Variants in LPP observed in about 807,000 individuals in gnomAD.
The protein encoded by LPP is LIM domain containing preferred translocation partner in lipoma.
In LPP, 38 loss-of-function variants were observed where a neutral mutation model predicts 60.4. The ratio of observed to expected loss-of-function variants is 0.63; its 90% CI spans 0.49 to 0.83. The LOEUF (loss-of-function observed/expected upper bound fraction) is 0.83, where lower values mean the gene tolerates loss of function less well. LPP is among the 40% of genes least tolerant of loss of function. The pLI is 0.00. For synonymous variants in LPP, 328 were observed against 290.8 expected, an observed-to-expected ratio of 1.13 and a Z score of -1.30; for missense variants, 902 against 783.6, an observed-to-expected ratio of 1.15 and a Z score of -1.80.
intron 6 of LPP, among the ~76,000 whole-genome samples, chr3:188,559,999 ACTGTGGCAT>A (rs1246078153): frequency 5.3e-5 from 8 of 152,040 alleles, no homozygotes; most frequent in African/African-American, 1.9e-4. Flanking sequence ...TTCTGTTCTC[ACTGTGGCAT>A]CTGGGGCCTC....
At chr3:188,224,957 T>G (rs1338838965) in intron 1 of LPP, among the ~76,000 whole-genome samples, 1 of 144,426 alleles carries the variant, frequency 6.9e-6, no homozygotes, top group Non-Finnish European at 1.5e-5. Flanking sequence ...ATGTCAAGAT[T>G]GTTTATCCCT....
At chr3:188,528,279 G>A (rs1343783404) in intron 6 of LPP, among the ~76,000 whole-genome samples, 2 of 151,972 alleles carry the variant, frequency 1.3e-5, no homozygotes, top group South Asian at 2.1e-4. Flanking sequence ...GACCCACTTC[G>A]GCCTTCCAAA....
intron 4 of LPP, among the ~76,000 whole-genome samples, chr3:188,461,799 T>C (rs976416993): frequency 2.0e-5 from 3 of 152,188 alleles, no homozygotes; most frequent in Non-Finnish European, 4.4e-5. Context: ...TTAAGGGAAT[T>C]TTGCTATTCT....
intron 5 of LPP, among the ~76,000 whole-genome samples, chr3:188,515,713 T>C (rs1396140569): frequency 6.6e-6 from 1 of 152,220 alleles, no homozygotes; most frequent in Non-Finnish European, 1.5e-5. Flanking sequence ...GAAGATGTCC[T>C]TCTCGGATAT....
intron 2 of LPP, among the ~76,000 whole-genome samples, chr3:188,314,601 G>GTA (rs1463253598): frequency 6.6e-6 from 1 of 151,734 alleles, no homozygotes; most frequent in Non-Finnish European, 1.5e-5. Context: ...AAAATTCTGT[G>GTA]TGTGTGTGTG....
rs1042572316 is a variant in LPP, at chr3:188,860,742, G to T, written c.1411-5458G>T. ...ATTAATTTTATGCAAGCATACTGTT[G>T]TAGATGCTTGGGATCCAACGACGAG... On this transcript the variant is annotated intron_variant, in intron 9 of 11. Transcript: ENST00000617246. Among the ~76,000 whole-genome samples, 6 of 152,184 alleles carry T rather than the reference G, an allele frequency of 3.9e-5. No individual in the cohort carries two copies. In the East Asian group the frequency reaches 1.2e-3, roughly 29 times the overall value.
Position 188,407,780 on chromosome 3 carries a change from GTTTGTTTGTTT to G in LPP, c.193+1471_193+1481del, listed in dbSNP as rs1436591835. Among the ~76,000 whole-genome samples the G allele has an allele frequency of 4.1e-3, 393 of 94,844 alleles. 9 individuals carry two copies. Among genetic ancestry groups the G allele is most frequent in the African/African-American group, 5.9e-3 (139 of 23,714 alleles). The allele number at this position is 94,844 out of a possible 152,430, so 62.2% of individuals were successfully genotyped here. The stretch of plus-strand genomic sequence containing the variant: ...TTCCTCATTTATGGTTTTTTTTTTT[GTTTGTTTGTTT>G]TTTTTTTTTTTTTTTTGAGATGGAG... On this transcript the variant is annotated intron_variant, in intron 4 of 11. Coordinates refer to ENST00000617246, the MANE Select transcript of LPP (RefSeq NM_001375462.1).
chr3:188,757,803 ATGT>A (rs751665207), intron 8 of LPP, among the ~76,000 whole-genome samples: 7 of 151,740 alleles, frequency 4.6e-5, no homozygotes, highest in Non-Finnish European at 7.4e-5. Context: ...CTGCAATGAA[ATGT>A]TGTCAAAGGG....
intron 8 of LPP, among the ~76,000 whole-genome samples, chr3:188,758,280 C>T (rs901766924): frequency 6.6e-6 from 1 of 152,130 alleles, no homozygotes; most frequent in African/African-American, 2.4e-5. Flanking sequence ...CCTGCCTCAG[C>T]CTCCTGAGTA....
intron 3 of LPP, among the ~76,000 whole-genome samples, chr3:188,348,441 C>A (rs576910947): frequency 1.3e-5 from 2 of 152,108 alleles, no homozygotes; most frequent in African/African-American, 4.8e-5. Context: ...AGCCACCGTG[C>A]GTGGCTGAAA....
At chr3:188,463,385 G>A (rs1241288171) in intron 4 of LPP, among the ~76,000 whole-genome samples, 3 of 151,860 alleles carry the variant, frequency 2.0e-5, no homozygotes, top group Non-Finnish European at 2.9e-5. Flanking sequence ...GTTTAGAAAT[G>A]GGGTCCTGCA....
intron 8 of LPP, among the ~76,000 whole-genome samples, chr3:188,742,354 A>G (rs1021017926): frequency 3.9e-5 from 6 of 152,220 alleles, no homozygotes; most frequent in Middle Eastern, 3.4e-3. Context: ...TGTTCATAGC[A>G]ACTATATTTA....
intron 1 of LPP, among the ~76,000 whole-genome samples, chr3:188,202,630 T>A (rs913846229): frequency 6.6e-5 from 10 of 152,340 alleles, no homozygotes; most frequent in Admixed American, 3.9e-4. Flanking sequence ...CTTGTCTGCC[T>A]GGGGATGGCA....
chr3:188,227,787 G>A (rs1718366449), intron 2 of LPP, among the ~76,000 whole-genome samples: 1 of 152,182 alleles, frequency 6.6e-6, no homozygotes, highest in Non-Finnish European at 1.5e-5. Context: ...CCATTTAGGG[G>A]AAAGAGCCTG....
Position 188,250,812 on chromosome 3 carries a change from T to TTC in LPP, c.-67+25287_-67+25288dup, listed in dbSNP as rs879662779. On this transcript the variant is annotated intron_variant, in intron 2 of 11. Coordinates refer to ENST00000617246, the MANE Select transcript of LPP (RefSeq NM_001375462.1). The stretch of plus-strand genomic sequence containing the variant: ...TGTCTTTCTCTTTCTTTCTTTCTCT[T>TTC]TCTTTCTTTCTTTTTCTTTCTTTCT... Among the ~76,000 whole-genome samples the TTC allele has an allele frequency of 5.2e-3, 651 of 126,098 alleles. 9 individuals are homozygous for TTC. The highest frequency in any genetic ancestry group is 0.034 in the Middle Eastern group (8 of 232). The allele number at this position is 126,098 out of a possible 152,430, so 82.7% of individuals were successfully genotyped here. A position where few individuals can be genotyped will look rare whatever the true frequency, so the allele number is the denominator to read the frequency against.
intron 1 of LPP, among the ~76,000 whole-genome samples, chr3:188,170,111 A>T (rs747805687): frequency 2.0e-5 from 3 of 152,198 alleles, no homozygotes; most frequent in Admixed American, 6.5e-5. Flanking sequence ...ACCAATTTTT[A>T]TTATAGCCTG....
intron 6 of LPP, among the ~76,000 whole-genome samples, chr3:188,556,495 C>CT (rs1394548847): frequency 1.3e-5 from 2 of 152,070 alleles, no homozygotes; most frequent in African/African-American, 2.4e-5. Flanking sequence ...AAAATGATCA[C>CT]TAACATCTAT....
chr3:188,454,327 C>T (rs1458002203), intron 4 of LPP, among the ~76,000 whole-genome samples: 1 of 152,144 alleles, frequency 6.6e-6, no homozygotes, highest in Non-Finnish European at 1.5e-5. Flanking sequence ...GAAGTGTGGT[C>T]TATGATATTC....
chr3:188,493,792 C>T (rs1809106338), intron 5 of LPP, among the ~76,000 whole-genome samples: 1 of 152,056 alleles, frequency 6.6e-6, no homozygotes, highest in Non-Finnish European at 1.5e-5. Context: ...CTTTCATTCA[C>T]CTTTTTCTTC....
Sources: gnomAD v4.1 joint callset for allele counts (sites outside exome capture counted in the v4.1 genomes callset) on GRCh38, gnomAD v4.1.1 for gene constraint, MANE v1.5 for transcripts, NCBI Gene and HGNC (gene_info 2026-07-23, HGNC 2026-07-21) for gene names.